The following TRPM2 variants were observed in gnomAD, a reference collection of about 807,000 sequenced individuals.
TRPM2 encodes the protein transient receptor potential cation channel subfamily M member 2, also known as estrogen-responsive element-associated gene 1 protein.
In TRPM2, 161 loss-of-function variants were observed where a neutral mutation model predicts 174.0. That is an observed-to-expected ratio of 0.93 (90% CI 0.81 to 1.05). The LOEUF is 1.05. TRPM2 is among the 50% of genes least tolerant of loss of function. The pLI is 0.00. For synonymous variants in TRPM2, 954 were observed against 861.3 expected (o/e 1.11, Z -1.88); for missense variants, 2,057 against 2,038.0 (o/e 1.01, Z -0.18).
chr21:44,425,862 G>A (rs770424293), intron 25 of TRPM2, 35 bp downstream of exon 25: 16 of 1,508,130 alleles, frequency 1.1e-5, no homozygotes, highest in Non-Finnish European at 1.4e-5. Flanking sequence ...AGGCGGAGTG[G>A]CCGGGCCCCT....
At chr21:44,429,369 C>T (rs1005535949) in intron 27 of TRPM2, among the ~76,000 whole-genome samples, 3 of 142,440 alleles carry the variant, frequency 2.1e-5, no homozygotes, top group Non-Finnish European at 4.5e-5. Flanking sequence ...CTCACTACAA[C>T]CTCTGCCTCC....
chr21:44,389,527 G>T (rs115715179), intron 9 of TRPM2, among the ~76,000 whole-genome samples: 1 of 152,180 alleles, frequency 6.6e-6, no homozygotes, highest in Non-Finnish European at 1.5e-5. Flanking sequence ...GTGGATGAGC[G>T]TTACCCTACA....
chr21:44,389,172 C>A lies in TRPM2; in HGVS notation c.1319-1732C>A, dbSNP rs534158938. ...TTTTAGAACTTCACGTGAATGAAAT[C>A]ATACATGATGCATTCTTTCATGTCT... On this transcript the variant is annotated intron_variant, in intron 9 of 31. Coordinates refer to ENST00000397928, the MANE Select transcript of TRPM2 (RefSeq NM_003307.4). Among the ~76,000 whole-genome samples, 13 of 152,330 alleles carry A rather than the reference C, an allele frequency of 8.5e-5. No homozygotes were observed. In the South Asian group the frequency reaches 1.2e-3, roughly 15 times the overall value.
At chr21:44,436,647 C>T (rs1390881366) in intron 28 of TRPM2, among the ~76,000 whole-genome samples, 17 of 137,120 alleles carry the variant, frequency 1.2e-4, no homozygotes, top group Admixed American at 5.8e-4. Context: ...AGGTGGCCCT[C>T]GGCACCCCAC....
At chr21:44,404,414 C>T (rs57644130) in intron 16 of TRPM2, among the ~76,000 whole-genome samples, 5,905 of 152,278 alleles carry the variant, frequency 0.039, 321 homozygotes, top group African/African-American at 0.12. Context: ...CATATTCACA[C>T]GTATACACAC....
At chr21:44,407,346 C>G (rs895516703) in intron 19 of TRPM2, among the ~76,000 whole-genome samples, 1 of 148,146 alleles carries the variant, frequency 6.8e-6, no homozygotes. Context: ...AGGCTAGTAT[C>G]GAACTCTTGA....
chr21:44,420,826 A>G (rs2050521985), intron 22 of TRPM2, among the ~76,000 whole-genome samples: 1 of 152,096 alleles, frequency 6.6e-6, no homozygotes, highest in Non-Finnish European at 1.5e-5. Flanking sequence ...TGAGGACCAC[A>G]CCCTTCACCT....
At chr21:44,393,809 T>C (rs967740408) in intron 11 of TRPM2, among the ~76,000 whole-genome samples, 1 of 152,044 alleles carries the variant, frequency 6.6e-6, no homozygotes, top group Non-Finnish European at 1.5e-5. Flanking sequence ...GGTTTTCCAA[T>C]CGATCCATTG....
At chr21:44,397,543 C>A (rs989931396) in intron 12 of TRPM2, among the ~76,000 whole-genome samples, 2 of 152,090 alleles carry the variant, frequency 1.3e-5, no homozygotes, top group South Asian at 2.1e-4. Flanking sequence ...ACAGGCCACG[C>A]AGGAGCCTGG....
chr21:44,417,275 C>T (rs1322385581), intron 20 of TRPM2, among the ~76,000 whole-genome samples: 2 of 128,552 alleles, frequency 1.6e-5, no homozygotes, highest in Non-Finnish European at 3.2e-5. Context: ...TGCATGTGGG[C>T]GTGGCTCTGC....
chr21:44,418,637 C>A, intron 22 of TRPM2, 82 bp downstream of exon 22: 1 of 1,547,358 alleles, frequency 6.5e-7, no homozygotes, highest in Non-Finnish European at 8.9e-7. Flanking sequence ...AGTACATGTC[C>A]CACCTGGGGA....
chr21:44,401,594 CG>C (rs2049618386), intron 15 of TRPM2, 86 bp from the exon 16 acceptor site: 2 of 1,383,888 alleles, frequency 1.4e-6, no homozygotes, highest in East Asian at 2.3e-5. Flanking sequence ...CTGAGGGGCA[CG>C]GGGGATCACG....
At position 44,354,219 on chromosome 21, in the gene TRPM2, G is replaced by A. The variant is rs1395104709; in HGVS notation, c.165+354G>A. 6.6e-6 allele frequency among the ~76,000 whole-genome samples: 1 copy of A among 152,192 alleles called. No individual in the cohort carries two copies. The highest frequency in any genetic ancestry group is 1.5e-5 in the Non-Finnish European group (1 of 68,034). ...TGGGCCTGGGCTAGCTTTCCCCAAA[G>A]CCCTGGATACAAAGACACAAGTATG... On this transcript the variant is annotated intron_variant, in intron 1 of 31. Coordinates refer to ENST00000397928, the MANE Select transcript of TRPM2 (RefSeq NM_003307.4). The surrounding 1 kb of genome is among the most constrained non-coding windows in gnomAD (Gnocchi z 4.3).
At chr21:44,382,610 G>A (rs1012302991) in intron 8 of TRPM2, 108 bp from the exon 9 acceptor site, 2 of 1,025,706 alleles carry the variant, frequency 1.9e-6, no homozygotes, top group Non-Finnish European at 2.9e-6. Flanking sequence ...ACAAGCGCAG[G>A]CAGGACCCAA....
chr21:44,435,709 A>C (rs564378777), intron 28 of TRPM2, among the ~76,000 whole-genome samples: 8 of 80,534 alleles, frequency 9.9e-5, no homozygotes, highest in East Asian at 3.7e-4. Flanking sequence ...CACTTTCCAC[A>C]CCCATCCACG....
At chr21:44,374,849 G>A (rs893514673) in intron 5 of TRPM2, among the ~76,000 whole-genome samples, 1 of 152,164 alleles carries the variant, frequency 6.6e-6, no homozygotes, top group Non-Finnish European at 1.5e-5. Flanking sequence ...CATGGCCCAG[G>A]GGGTGGGGGA....
rs2051058847 is a variant in TRPM2, at chr21:44,432,407, C to T, written c.3975-2724C>T. 6.6e-6 allele frequency among the ~76,000 whole-genome samples: 1 copy of T among 152,162 alleles called. No individual in the cohort carries two copies. The highest frequency in any genetic ancestry group is 2.4e-5 in the African/African-American group (1 of 41,406). ...ATTATAAATCGTACTGGGTTTAGGGCCAACCCTATTCCAGTGTAGCTTCAT... is the reference window on the plus strand; with the variant it reads ...ATTATAAATCGTACTGGGTTTAGGGTCAACCCTATTCCAGTGTAGCTTCAT... On this transcript the variant is annotated intron_variant, in intron 27 of 31. Transcript: ENST00000397928. The surrounding 1 kb of genome is among the most constrained non-coding windows in gnomAD (Gnocchi z 4.9).
chr21:44,385,699 A>G (rs2048999297), intron 9 of TRPM2, among the ~76,000 whole-genome samples: 1 of 152,240 alleles, frequency 6.6e-6, no homozygotes, highest in Non-Finnish European at 1.5e-5. Flanking sequence ...GGTTAAATTG[A>G]CTCACAGTTC....
rs2048007654 is a variant in TRPM2 at position 44,354,750 on chromosome 21, T to C, written c.254+14T>C. 6.2e-7 allele frequency: 1 copy of C among 1,613,150 alleles called. No individual in the cohort carries two copies. The highest frequency in any genetic ancestry group is 1.1e-5 in the South Asian group (1 of 91,060). On this transcript the variant is annotated intron_variant, in intron 2 of 31. Transcript: ENST00000397928. This position sits in a 1 kb window ranked among gnomAD's most constrained non-coding sequence, Gnocchi z 4.3. ...GTCTGATGCTGGGTAAGTGACGTGATTTGTGTGTAAGACCTCTGACTTCTT... is the reference window on the plus strand; with the variant it reads ...GTCTGATGCTGGGTAAGTGACGTGACTTGTGTGTAAGACCTCTGACTTCTT...
Sources: allele counts gnomAD v4.1 joint callset (sites outside exome capture counted in the v4.1 genomes callset), GRCh38; gene constraint gnomAD v4.1.1; non-coding constraint Gnocchi (gnomAD v3.1); transcripts MANE v1.5; gene names NCBI Gene and HGNC (gene_info 2026-07-23, HGNC 2026-07-21).